RAB11FIP1: variants seen among roughly 807,000 people sequenced by gnomAD.
RAB11FIP1 encodes the protein RAB11 family interacting protein 1.
Under a neutral mutation model 83.1 loss-of-function variants are expected in RAB11FIP1, and 49 were observed. That is an observed-to-expected ratio of 0.59 (90% CI 0.47 to 0.75). RAB11FIP1 has a LOEUF of 0.75. Ranked by LOEUF, RAB11FIP1 falls within the 30% of genes least tolerant of loss-of-function variation. The pLI is 0.00. For missense variants in RAB11FIP1, 1,536 were observed against 1,598.7 expected, an observed-to-expected ratio of 0.96 and a Z score of 0.67; for synonymous variants, 670 against 656.0, an observed-to-expected ratio of 1.02 and a Z score of -0.33.
At chr8:37,886,375 G>T (rs985778093) in intron 1 of RAB11FIP1, among the ~76,000 whole-genome samples, 3 of 152,146 alleles carry the variant, frequency 2.0e-5, no homozygotes, top group Non-Finnish European at 4.4e-5. Context: ...GCCCCAACAG[G>T]CTATCAGAAC....
chr8:37,872,783 G>GCCCATCAGAGAATCTTCTGT lies in RAB11FIP1; in HGVS notation c.1999_2018dup (p.Arg674GlnfsTer5). The stretch of plus-strand genomic sequence containing the variant: ...TCTCTGTGCCTGTCTCACGGGTCCT[G>GCCCATCAGAGAATCTTCTGT]CCCATCAGAGAATCTTCTGTCCCTT... On this transcript the variant is annotated stop_gained and frameshift_variant, in exon 4 of 6. Transcript: ENST00000330843. LOFTEE classifies it high-confidence loss of function. 6.2e-7 allele frequency: 1 copy of GCCCATCAGAGAATCTTCTGT among 1,614,216 alleles called. No homozygotes were observed. The highest frequency in any genetic ancestry group is 8.5e-7 in the Non-Finnish European group (1 of 1,180,048).
intron 1 of RAB11FIP1, among the ~76,000 whole-genome samples, chr8:37,888,772 A>G (rs868708883): frequency 2.7e-5 from 4 of 146,730 alleles, no homozygotes; most frequent in South Asian, 4.3e-4. Flanking sequence ...CCAGCCCCTC[A>G]GTGTATACGT....
chr8:37,894,231 T>A (rs943037341), intron 1 of RAB11FIP1, among the ~76,000 whole-genome samples: 1 of 152,230 alleles, frequency 6.6e-6, no homozygotes, highest in Non-Finnish European at 1.5e-5. Context: ...CCTAAAGGTA[T>A]AAAAACAAAC....
At chr8:37,877,708 A>ATT (rs59670170) in intron 1 of RAB11FIP1, 157 bp from the exon 2 acceptor site, 3,900 of 210,516 alleles carry the variant, frequency 0.019, 220 homozygotes, top group South Asian at 0.026. Flanking sequence ...TGAGAGCAGA[A>ATT]TTTTTTTTTT....
In RAB11FIP1 at chr8:37,874,581, G is replaced by A; in HGVS notation, c.1556C>T (p.Ser519Phe). The A allele has an allele frequency of 6.2e-7, 1 of 1,614,206 alleles. No homozygotes were observed. The highest frequency in any genetic ancestry group is 8.5e-7 in the Non-Finnish European group (1 of 1,180,034). The change falls in exon 3 of 6, where the codon TCC (serine) becomes TTC (phenylalanine). Residue 519 changes from serine (S) to phenylalanine (F), a missense_variant. Ser to Phe is a radical substitution (Grantham distance 155). Transcript: ENST00000330843. ...QITEPEAEPESKSEPRPPISS... is the reference protein window; with the variant it reads ...QITEPEAEPEFKSEPRPPISS... ...AATTGGAGGTCTCGGTTCAGACTTG[G>A]ACTCTGGCTCAGCTTCTGGTTCTGT...
chr8:37,896,162 T>C (rs1807085498), intron 1 of RAB11FIP1, among the ~76,000 whole-genome samples: 2 of 151,936 alleles, frequency 1.3e-5, no homozygotes, highest in Admixed American at 1.3e-4. Flanking sequence ...ATACAAAAAT[T>C]AGCCGGACAT....
rs564152109 is a variant in RAB11FIP1 at position 37,861,754 on chromosome 8, A to G, written c.*1141T>C. On this transcript the variant is annotated 3_prime_UTR_variant, in exon 6 of 6. Transcript: ENST00000330843. ...CAGGCACGCACCACCATGCCAAGCT[A>G]ATTTTTGTATTTTTAGTAGAGATGG... 9.2e-5 allele frequency: 32 copies of G among 348,902 alleles called. No homozygotes were observed. Among genetic ancestry groups the G allele is most frequent in the Non-Finnish European group, 1.7e-4 (31 of 180,268 alleles). The allele number at this position is 348,902 out of a possible 1,614,324, so 21.6% of individuals were successfully genotyped here.
In RAB11FIP1 at chr8:37,872,239, C is replaced by T. The variant is rs778160353; in HGVS notation, c.2563G>A (p.Glu855Lys). 2 of 1,613,948 alleles carry T rather than the reference C, an allele frequency of 1.2e-6. No homozygotes were observed. Among genetic ancestry groups the T allele is most frequent in the Non-Finnish European group, 1.7e-6 (2 of 1,179,988 alleles). The part of the protein sequence containing the change: ...AGNASDGEPP[E>K]SPHAEDSERE... Reference sequence around the variant, plus strand: ...TCTGAGTCCTCTGCGTGGGGAGACTCAGGAGGCTCTCCGTCAGACGCGTTT... The same window carrying T: ...TCTGAGTCCTCTGCGTGGGGAGACTTAGGAGGCTCTCCGTCAGACGCGTTT... Residue 855 changes from glutamate (E) to lysine (K), a missense_variant, in exon 4 of 6, where the codon GAG becomes AAG. Glu to Lys is a moderately conservative substitution (Grantham distance 56). Transcript: ENST00000330843.
Position 37,895,218 on chromosome 8 carries a change from A to AATAAATATAT in RAB11FIP1, c.371+3852_371+3853insATATATTTAT, listed in dbSNP as rs1381872486. ...ATAGCTGGGACTACAGGTGCCTGCC[A>AATAAATATAT]ATATATATATATATATATATATATA... On this transcript the variant is annotated intron_variant, in intron 1 of 5. Coordinates refer to ENST00000330843, the MANE Select transcript of RAB11FIP1 (RefSeq NM_001002814.3). Among the ~76,000 whole-genome samples, 2 of 13,704 alleles carry AATAAATATAT rather than the reference A, an allele frequency of 1.5e-4. 1 individual carries two copies. The highest frequency in any genetic ancestry group is 2.8e-4 in the Non-Finnish European group (2 of 7,052). 9.0% of individuals were successfully genotyped at this position (13,704 alleles called of 152,430 possible).
chr8:37,885,665 T>C (rs1477172946), intron 1 of RAB11FIP1, among the ~76,000 whole-genome samples: 1 of 152,164 alleles, frequency 6.6e-6, no homozygotes, highest in Non-Finnish European at 1.5e-5. Flanking sequence ...ATGAGCTAAA[T>C]ACAATGCAGA....
intron 1 of RAB11FIP1, among the ~76,000 whole-genome samples, chr8:37,888,887 T>A (rs1806890196): frequency 7.3e-6 from 1 of 137,688 alleles, no homozygotes. Context: ...AAGCTCCACC[T>A]CCTGGGTTCA....
At chr8:37,866,266 C>T (rs1344076435) in intron 5 of RAB11FIP1, among the ~76,000 whole-genome samples, 5 of 151,192 alleles carry the variant, frequency 3.3e-5, no homozygotes, top group South Asian at 4.2e-4. Context: ...ACTCGGGAGG[C>T]GGAGGTTGCA....
intron 5 of RAB11FIP1, among the ~76,000 whole-genome samples, chr8:37,865,321 T>TG (rs1457199394): frequency 6.6e-6 from 1 of 150,448 alleles, no homozygotes; most frequent in Non-Finnish European, 1.5e-5. Context: ...GATTCTTTTT[T>TG]TTTTTTTTCT....
chr8:37,865,341 A>C, intron 5 of RAB11FIP1, among the ~76,000 whole-genome samples: 2 of 142,810 alleles, frequency 1.4e-5, no homozygotes, highest in Non-Finnish European at 3.0e-5. Context: ...TTTTTTTGAG[A>C]CAGATTCTCA....
At chr8:37,869,507 G>A (rs556959298) in intron 5 of RAB11FIP1, among the ~76,000 whole-genome samples, 7 of 152,098 alleles carry the variant, frequency 4.6e-5, no homozygotes, top group East Asian at 1.9e-4. Flanking sequence ...CAGGAGAATC[G>A]CTTAAACCCA....
intron 1 of RAB11FIP1, among the ~76,000 whole-genome samples, chr8:37,890,388 C>T (rs1394073370): frequency 6.6e-6 from 1 of 152,136 alleles, no homozygotes; most frequent in African/African-American, 2.4e-5. Flanking sequence ...CTTATAAATG[C>T]CTTCCCTCTA....
intron 1 of RAB11FIP1, among the ~76,000 whole-genome samples, chr8:37,895,406 T>C (rs1400130673): frequency 6.8e-6 from 1 of 146,738 alleles, no homozygotes; most frequent in Non-Finnish European, 1.5e-5. Context: ...CCACCATGTC[T>C]AGCCTCCTAA....
At chr8:37,864,983 C>T (rs1377634826) in intron 5 of RAB11FIP1, among the ~76,000 whole-genome samples, 1 of 149,784 alleles carries the variant, frequency 6.7e-6, no homozygotes, top group Non-Finnish European at 1.5e-5. Flanking sequence ...GTTGCCTGGA[C>T]TGGTCTCAAA....
At chr8:37,884,035 G>T (rs890061002) in intron 1 of RAB11FIP1, among the ~76,000 whole-genome samples, 4 of 151,178 alleles carry the variant, frequency 2.6e-5, no homozygotes, top group African/African-American at 9.8e-5. Flanking sequence ...TGTAGAAAGT[G>T]ACATAATTTT....
Sources: gnomAD v4.1 joint callset for allele counts (sites outside exome capture counted in the v4.1 genomes callset) on GRCh38, gnomAD v4.1.1 for gene constraint, MANE v1.5 for transcripts, NCBI Gene and HGNC (gene_info 2026-07-23, HGNC 2026-07-21) for gene names.